ADCY9: variants seen among roughly 807,000 people sequenced by gnomAD.
ADCY9 encodes adenylate cyclase 9, also known as adenylate cyclase type 9.
In ADCY9, 50 loss-of-function variants were observed where a neutral mutation model predicts 101.5. The ratio of observed to expected loss-of-function variants is 0.49; its 90% CI spans 0.39 to 0.62. The LOEUF (loss-of-function observed/expected upper bound fraction) is 0.62. Ranked by LOEUF, ADCY9 falls within the 20% of genes least tolerant of loss-of-function variation. The pLI, the probability that ADCY9 is intolerant of heterozygous loss-of-function variation, is 0.00. For missense variants in ADCY9, 1,662 were observed against 1,800.4 expected (o/e 0.92, Z 1.39); for synonymous variants, 905 against 769.3 (o/e 1.18, Z -2.92).
chr16:3,983,319 G>T lies in ADCY9; in HGVS notation c.2432C>A (p.Ala811Glu). 6.4e-7 allele frequency: 1 copy of T among 1,574,740 alleles called. No individual in the cohort carries two copies. Reference protein sequence around the residue: ...LSTTCFLKYEAATVPPPPAAL... With the variant: ...LSTTCFLKYEEATVPPPPAAL... ...GGCGGGCGGGGGAGGCACGGTGGCCGCCTCGTACTTCAGGAAGCAGGTGGT... is the reference window on the plus strand; with the variant it reads ...GGCGGGCGGGGGAGGCACGGTGGCCTCCTCGTACTTCAGGAAGCAGGTGGT... The change falls in exon 7 of 11, where the codon GCG becomes GAG. Residue 811 changes from alanine to glutamate, a missense_variant. Ala to Glu is a moderately radical substitution (Grantham distance 107). This residue lies in a region of ADCY9 where 624 missense variants were observed against 639.1 expected (regional missense o/e 0.98). Transcript: ENST00000294016.
intron 2 of ADCY9, among the ~76,000 whole-genome samples, chr16:4,083,011 A>G (rs536293412): frequency 3.9e-5 from 6 of 152,348 alleles, no homozygotes; most frequent in African/African-American, 1.2e-4. Flanking sequence ...ACTTTGTGCC[A>G]CAAGGGAAGA....
chr16:4,073,347 A>C (rs1343751919), intron 2 of ADCY9, among the ~76,000 whole-genome samples: 1 of 151,682 alleles, frequency 6.6e-6, no homozygotes, highest in Non-Finnish European at 1.5e-5. Flanking sequence ...TCAGCCTCCC[A>C]AAGTGCTGGA....
At chr16:4,081,527 A>G (rs2056902435) in intron 2 of ADCY9, among the ~76,000 whole-genome samples, 1 of 152,232 alleles carries the variant, frequency 6.6e-6, no homozygotes, top group South Asian at 2.1e-4. Flanking sequence ...CTATTAAAGA[A>G]ATAAATCTCT....
At chr16:3,959,835 G>A (rs2055928419), downstream of ADCY9, among the ~76,000 whole-genome samples, 2 of 152,094 alleles carry the variant, frequency 1.3e-5, no homozygotes, top group African/African-American at 2.4e-5. Flanking sequence ...AGACCAGCCT[G>A]GCCAACATGG....
At chr16:3,981,135 A>T (rs573498121) in intron 7 of ADCY9, among the ~76,000 whole-genome samples, 1 of 152,172 alleles carries the variant, frequency 6.6e-6, no homozygotes, top group South Asian at 2.1e-4. Flanking sequence ...ATTCCTGGTA[A>T]ATGGAACCAA....
chr16:4,013,475 A>G (rs2056417469), intron 2 of ADCY9, among the ~76,000 whole-genome samples: 2 of 152,198 alleles, frequency 1.3e-5, no homozygotes, highest in African/African-American at 4.8e-5. Flanking sequence ...AAGAAAGAGA[A>G]GAATAATCAG....
chr16:4,020,493 G>A (rs1309639636), intron 2 of ADCY9, among the ~76,000 whole-genome samples: 1 of 152,062 alleles, frequency 6.6e-6, no homozygotes, highest in Non-Finnish European at 1.5e-5. Context: ...GAGAGGGAGA[G>A]TACCCTGTAT....
In ADCY9 at chr16:4,020,868, G is replaced by A. The variant is rs142934883; in HGVS notation, c.1694-13310C>T. Among the ~76,000 whole-genome samples, 18 of 150,644 alleles carry A rather than the reference G, an allele frequency of 1.2e-4. 1 individual carries two copies. The East Asian group carries it at 2.9e-3, about 24-fold the overall frequency. On this transcript the variant is annotated intron_variant, in intron 2 of 10. Coordinates refer to ENST00000294016, the MANE Select transcript of ADCY9 (RefSeq NM_001116.4). ...GTGGAATAGAAACAGTTACTCTATC[G>A]AACAAAATAGCAGATAATGTTTTAG...
chr16:3,989,499 C>T (rs888804391), intron 5 of ADCY9, among the ~76,000 whole-genome samples: 1 of 152,144 alleles, frequency 6.6e-6, no homozygotes. Flanking sequence ...CTGCCTCAGC[C>T]TCCTGAGTAG....
At chr16:4,084,314 G>T (rs911013318) in intron 2 of ADCY9, among the ~76,000 whole-genome samples, 3 of 151,898 alleles carry the variant, frequency 2.0e-5, no homozygotes, top group Non-Finnish European at 2.9e-5. Context: ...GTTTTACCAT[G>T]TTGGCCAGGC....
At chr16:4,038,016 G>A (rs2141762628) in intron 2 of ADCY9, among the ~76,000 whole-genome samples, 1 of 152,320 alleles carries the variant, frequency 6.6e-6, no homozygotes, top group South Asian at 2.1e-4. Flanking sequence ...CTCAACACCT[G>A]TAATCCCAAC....
rs373556046 is a variant in ADCY9 at position 3,977,592 on chromosome 16, G to T, written c.2718C>A (p.Val906=). The change falls in exon 9 of 11, where the codon GTC becomes GTA. Residue 906 remains valine, a synonymous_variant. Transcript: ENST00000294016. Reference sequence around the variant, plus strand: ...GCTGGCAGAAGTTACAGTAGTGCACGACGGCAATCAGCGCGGCCGAGCCTG... The same window carrying T: ...GCTGGCAGAAGTTACAGTAGTGCACTACGGCAATCAGCGCGGCCGAGCCTG... ...VFTGSAALIA[V]VHYCNFCQLS... 1 of 1,612,286 alleles carries T rather than the reference G, an allele frequency of 6.2e-7. No individual in the cohort carries two copies. Among genetic ancestry groups the T allele is most frequent in the South Asian group, 1.1e-5 (1 of 90,840 alleles).
intron 2 of ADCY9, among the ~76,000 whole-genome samples, chr16:4,019,689 C>G (rs1431045601): frequency 6.6e-5 from 10 of 152,166 alleles, no homozygotes; most frequent in Non-Finnish European, 1.3e-4. Flanking sequence ...CCACTGTTGT[C>G]AAAGGAGAGA....
chr16:4,016,142 G>A (rs756322259), intron 2 of ADCY9, among the ~76,000 whole-genome samples: 3 of 152,178 alleles, frequency 2.0e-5, no homozygotes, highest in African/African-American at 4.8e-5. Context: ...AGTGAGTGAC[G>A]ATCTGGACCC....
At position 4,007,513 on chromosome 16, in the gene ADCY9, C is replaced by T. The variant is rs1362893267; in HGVS notation, c.1739G>A (p.Arg580His). 3.1e-6 allele frequency: 5 copies of T among 1,613,610 alleles called. No homozygotes were observed. The highest frequency in any genetic ancestry group is 1.7e-5 in the Admixed American group (1 of 59,880). ...AAGCAAGGCCTCTGCACAGCTGCAGCGAGACTCCTTGGCTCTCTGACCCGA... is the reference window on the plus strand; with the variant it reads ...AAGCAAGGCCTCTGCACAGCTGCAGTGAGACTCCTTGGCTCTCTGACCCGA... Reference protein sequence around the residue: ...LISGQRAKESRCSCAEALLSG... With the variant: ...LISGQRAKESHCSCAEALLSG... Residue 580 changes from arginine to histidine, a missense_variant, in exon 3 of 11, where the codon CGC becomes CAC. Arg to His is a conservative substitution (Grantham distance 29, BLOSUM62 0). Transcript: ENST00000294016.
chr16:4,007,019 T>C (rs1200995457), intron 3 of ADCY9, among the ~76,000 whole-genome samples: 1 of 152,146 alleles, frequency 6.6e-6, no homozygotes, highest in Non-Finnish European at 1.5e-5. Flanking sequence ...CAACTAGCTC[T>C]CCACCCAAGG....
In ADCY9 at chr16:4,113,891, T is replaced by C; in HGVS notation, c.1552A>G (p.Asn518Asp). ...DVWSNDVNLA[N>D]LMEQLGVAGK... ...GCCACTCCCAGCTGCTCCATGAGAT[T>C]GGCCAGGTTCACATCGTTGGACCAC... The change falls in exon 2 of 11, where the codon AAT becomes GAT. Residue 518 changes from asparagine to aspartate, a missense_variant. Asn to Asp is a conservative substitution (Grantham distance 23, BLOSUM62 1). Transcript: ENST00000294016. The C allele has an allele frequency of 6.2e-7, 1 of 1,614,198 alleles. No individual in the cohort carries two copies.
intron 7 of ADCY9, chr16:3,982,338 T>G (rs2056150778): frequency 6.6e-6 from 1 of 152,308 alleles, no homozygotes; most frequent in East Asian, 1.9e-4. Context: ...ACGCTCAAGG[T>G]CAGGGCTGCC....
chr16:4,098,899 AT>A (rs57718798), intron 2 of ADCY9, among the ~76,000 whole-genome samples: 5 of 150,708 alleles, frequency 3.3e-5, no homozygotes, highest in South Asian at 2.1e-4. Flanking sequence ...TTGGTTTGGG[AT>A]TTTTTTTTAT....
Sources: allele counts gnomAD v4.1 joint callset (sites outside exome capture counted in the v4.1 genomes callset), GRCh38; gene constraint gnomAD v4.1.1; regional missense constraint gnomAD v4.1.1; transcripts MANE v1.5; gene names NCBI Gene and HGNC (gene_info 2026-07-23, HGNC 2026-07-21).